Variants in EBF2 observed in about 807,000 individuals in gnomAD.
The protein encoded by EBF2 is transcription factor COE2.
EBF2 carries 21 observed loss-of-function variants against 72.8 expected under a neutral mutation model. That is an observed-to-expected ratio of 0.29 (90% CI 0.20 to 0.42). The LOEUF (loss-of-function observed/expected upper bound fraction) is 0.42, where lower values mean the gene tolerates loss of function less well. Ranked by LOEUF, EBF2 falls within the 10% of genes least tolerant of loss-of-function variation. The pLI is 1.00. For missense variants in EBF2, 637 were observed against 731.2 expected (o/e 0.87, Z 1.49); for synonymous variants, 299 against 274.2 (o/e 1.09, Z -0.89).
At chr8:25,934,558 T>C (rs1803541775) in intron 6 of EBF2, among the ~76,000 whole-genome samples, 2 of 152,188 alleles carry the variant, frequency 1.3e-5, no homozygotes, top group African/African-American at 2.4e-5. Flanking sequence ...AAATAGACTC[T>C]GTCCATGTCG....
chr8:25,949,868 C>G (rs543124438), intron 6 of EBF2, among the ~76,000 whole-genome samples: 1 of 152,156 alleles, frequency 6.6e-6, no homozygotes, highest in African/African-American at 2.4e-5. Context: ...GGCCTGCAGG[C>G]ATTCATCAGT....
At chr8:26,014,836 A>G (rs1253503443) in intron 6 of EBF2, among the ~76,000 whole-genome samples, 5 of 152,262 alleles carry the variant, frequency 3.3e-5, no homozygotes, top group African/African-American at 4.8e-5. Context: ...AATGAAGAAG[A>G]AAAACAGTGA....
chr8:25,860,793 A>C (rs1802199603), intron 13 of EBF2, among the ~76,000 whole-genome samples: 3 of 152,214 alleles, frequency 2.0e-5, no homozygotes, highest in Admixed American at 2.0e-4. Context: ...CAGGGATTAC[A>C]GGTGTGAGCC....
chr8:25,870,063 C>T (rs1009068259), intron 10 of EBF2, among the ~76,000 whole-genome samples: 10 of 152,170 alleles, frequency 6.6e-5, no homozygotes, highest in African/African-American at 2.4e-4. Context: ...GATGGGCATC[C>T]TCCTCAGCTT....
intron 7 of EBF2, 136 bp from the exon 8 acceptor site, chr8:25,890,005 A>G: frequency 2.8e-6 from 2 of 712,690 alleles, no homozygotes; most frequent in South Asian, 1.6e-5. Context: ...GGGACTCAAC[A>G]GAGTTTTCTC....
intron 2 of EBF2, chr8:26,041,352 A>G (rs1172915005): frequency 3.4e-6 from 1 of 296,252 alleles, no homozygotes; most frequent in Non-Finnish European, 6.3e-6. Flanking sequence ...GGAAGCCCCA[A>G]GGCTTCCCTT....
Position 26,032,292 on chromosome 8 carries a change from G to A in EBF2, c.551+793C>T, listed in dbSNP as rs555155333. On this transcript the variant is annotated intron_variant, in intron 6 of 15. Coordinates refer to ENST00000520164, the MANE Select transcript of EBF2 (RefSeq NM_022659.4). ...CCAACTGAGAATTCGTTGGAATATT[G>A]GAATAACAACTTTGGAGACTGTGGT... is the stretch of plus-strand genomic sequence containing the variant. The A allele has an allele frequency of 9.2e-5, 14 of 152,268 alleles. No homozygotes were observed. In the East Asian group the frequency reaches 2.5e-3, roughly 27 times the overall value. 9.4% of individuals were successfully genotyped at this position (152,268 alleles called of 1,614,324 possible). A position where few individuals can be genotyped will look rare whatever the true frequency, so the allele number is the denominator to read the frequency against.
Position 25,918,768 on chromosome 8 carries a change from A to G in EBF2, c.552-10213T>C, listed in dbSNP as rs1022943011. 6.6e-5 allele frequency among the ~76,000 whole-genome samples: 10 copies of G among 152,338 alleles called. No homozygotes were observed. In the East Asian group the frequency reaches 1.7e-3, roughly 26 times the overall value. On this transcript the variant is annotated intron_variant, in intron 6 of 15. Coordinates refer to ENST00000520164, the MANE Select transcript of EBF2 (RefSeq NM_022659.4). ...CCAACATTCAAACAATCAAAAAAAA[A>G]TCATATCCAGAGGATGGGGTCTAAT...
chr8:25,970,019 A>C (rs1047561431), intron 6 of EBF2, among the ~76,000 whole-genome samples: 3 of 152,194 alleles, frequency 2.0e-5, no homozygotes, highest in African/African-American at 7.2e-5. Flanking sequence ...TGACCTTCAT[A>C]TTATCAAGAG....
chr8:25,886,896 G>C lies in EBF2; in HGVS notation c.883-15C>G. The C allele has an allele frequency of 6.2e-7, 1 of 1,609,704 alleles. No homozygotes were observed. Among genetic ancestry groups the C allele is most frequent in the Non-Finnish European group, 8.5e-7 (1 of 1,178,012 alleles). Reference sequence around the variant, plus strand: ...GGGGTTATTAGCTGAGGAATGAACAGGCAGGGAAATAAAATACCCATTAGA... The same window carrying C: ...GGGGTTATTAGCTGAGGAATGAACACGCAGGGAAATAAAATACCCATTAGA... On this transcript the variant is annotated splice_polypyrimidine_tract_variant and intron_variant, in intron 9 of 15. Coordinates refer to ENST00000520164, the MANE Select transcript of EBF2 (RefSeq NM_022659.4).
chr8:26,042,510 G>A (rs1388677827), intron 1 of EBF2, among the ~76,000 whole-genome samples: 1 of 152,136 alleles, frequency 6.6e-6, no homozygotes, highest in Non-Finnish European at 1.5e-5. Context: ...CCACCGCTGG[G>A]CCACTCACCA....
intron 7 of EBF2, among the ~76,000 whole-genome samples, chr8:25,902,387 G>A (rs763483209): frequency 6.6e-6 from 1 of 152,176 alleles, no homozygotes; most frequent in Non-Finnish European, 1.5e-5. Flanking sequence ...GAGGGCAGAA[G>A]TGATTTTCCG....
intron 15 of EBF2, among the ~76,000 whole-genome samples, chr8:25,847,235 G>A (rs1468481050): frequency 6.6e-6 from 1 of 152,156 alleles, no homozygotes; most frequent in African/African-American, 2.4e-5. Context: ...TGCAGACAAT[G>A]AAGTCTAGAG....
At chr8:25,954,719 T>C (rs1255711608) in intron 6 of EBF2, among the ~76,000 whole-genome samples, 1 of 152,052 alleles carries the variant, frequency 6.6e-6, no homozygotes, top group Admixed American at 6.6e-5. Context: ...CAGGGAGCCT[T>C]CAGAACTCTC....
At chr8:25,948,016 G>C (rs1390543197) in intron 6 of EBF2, among the ~76,000 whole-genome samples, 1 of 152,184 alleles carries the variant, frequency 6.6e-6, no homozygotes, top group Non-Finnish European at 1.5e-5. Context: ...TAATAAACGT[G>C]TCCTAAGGCC....
At chr8:26,007,464 G>GTT (rs201990909) in intron 6 of EBF2, among the ~76,000 whole-genome samples, 3 of 151,414 alleles carry the variant, frequency 2.0e-5, no homozygotes, top group Non-Finnish European at 2.9e-5. Flanking sequence ...TTTCATTTGA[G>GTT]TTTTTTTTTA....
At chr8:25,847,613 G>C (rs1292075149) in intron 15 of EBF2, among the ~76,000 whole-genome samples, 1 of 152,082 alleles carries the variant, frequency 6.6e-6, no homozygotes, top group Non-Finnish European at 1.5e-5. Context: ...ACCACCTTTG[G>C]GGATAGCTGT....
rs1172690871 is a variant in EBF2, at chr8:25,843,920, CA to C, written c.*688del. ...AAAACTTGTTACTACATGTTTGCAT[CA>C]TTTTCATTTTACATCAGGAAGAGAA... On this transcript the variant is annotated 3_prime_UTR_variant, in exon 16 of 16. Coordinates refer to ENST00000520164, the MANE Select transcript of EBF2 (RefSeq NM_022659.4). The C allele has an allele frequency of 2.0e-5, 3 of 152,238 alleles. No homozygotes were observed. Among genetic ancestry groups the C allele is most frequent in the African/African-American group, 7.2e-5 (3 of 41,534 alleles). The allele number at this position is 152,238 out of a possible 1,614,324, so 9.4% of individuals were successfully genotyped here.
At chr8:25,892,937 T>G (rs1802808670) in intron 7 of EBF2, among the ~76,000 whole-genome samples, 1 of 152,180 alleles carries the variant, frequency 6.6e-6, no homozygotes, top group African/African-American at 2.4e-5. Context: ...CTGGGGAAAT[T>G]CCTTCCAGAA....
Sources: allele counts gnomAD v4.1 joint callset (sites outside exome capture counted in the v4.1 genomes callset), GRCh38; gene constraint gnomAD v4.1.1; transcripts MANE v1.5; gene names NCBI Gene and HGNC (gene_info 2026-07-23, HGNC 2026-07-21).